The following SOX5 variants were observed in gnomAD, a reference collection of about 807,000 sequenced individuals.
SOX5 encodes the protein SRY-box transcription factor 5.
In SOX5, 9 loss-of-function variants were observed where a neutral mutation model predicts 92.0. The observed-to-expected ratio is 0.10, with a 90% CI of 0.06 to 0.17. The LOEUF is 0.17. Among genes scored for constraint, SOX5 ranks in the 10% least tolerant of loss-of-function variants. The probability of loss-of-function intolerance (pLI) is 1.00; values close to 1 mark genes in which losing one functional copy is unlikely to be tolerated. For missense variants in SOX5, 642 were observed against 944.5 expected, an observed-to-expected ratio of 0.68 and a Z score of 4.20; for synonymous variants, 344 against 336.3, an observed-to-expected ratio of 1.02 and a Z score of -0.25.
chr12:23,951,241 C>A (rs770477300), upstream of SOX5, among the ~76,000 whole-genome samples: 1 of 152,008 alleles, frequency 6.6e-6, no homozygotes, highest in Admixed American at 6.6e-5. Flanking sequence ...ATAGTCTGTA[C>A]AGCCAATGTC....
chr12:24,093,077 G>A (rs1411977338), intron 4 of SOX5, among the ~76,000 whole-genome samples: 1 of 152,072 alleles, frequency 6.6e-6, no homozygotes, highest in Non-Finnish European at 1.5e-5. Context: ...TAAATAAAAG[G>A]GGGGCTATTT....
At chr12:24,146,457 C>T (rs1311567766) in intron 4 of SOX5, among the ~76,000 whole-genome samples, 5 of 151,880 alleles carry the variant, frequency 3.3e-5, no homozygotes, top group Non-Finnish European at 7.4e-5. Flanking sequence ...TATAGCATGT[C>T]AATAGATGTG....
At chr12:24,356,295 C>T (rs905458923) in intron 2 of SOX5, among the ~76,000 whole-genome samples, 43 of 152,238 alleles carry the variant, frequency 2.8e-4, no homozygotes, top group African/African-American at 1.0e-3. Flanking sequence ...AGGTAGGGAA[C>T]CAGCACATCT....
intron 1 of SOX5, among the ~76,000 whole-genome samples, chr12:24,376,154 T>C (rs1305871942): frequency 6.6e-6 from 1 of 152,230 alleles, no homozygotes; most frequent in Non-Finnish European, 1.5e-5. Context: ...CTATGGCAAC[T>C]TGCCTAATTT....
chr12:23,699,570 T>C (rs1044031478), intron 6 of SOX5, among the ~76,000 whole-genome samples: 4 of 152,200 alleles, frequency 2.6e-5, no homozygotes, highest in Non-Finnish European at 5.9e-5. Flanking sequence ...ATATTTATTT[T>C]ATATTGTCTA....
chr12:24,201,704 C>G (rs1410805879), intron 4 of SOX5, among the ~76,000 whole-genome samples: 1 of 152,158 alleles, frequency 6.6e-6, no homozygotes, highest in Non-Finnish European at 1.5e-5. Context: ...TTAGTGAGTA[C>G]TACCCCCATC....
chr12:24,562,154 T>A (rs1013976139), intron 1 of SOX5, among the ~76,000 whole-genome samples: 5 of 152,016 alleles, frequency 3.3e-5, no homozygotes, highest in Non-Finnish European at 7.4e-5. Flanking sequence ...CCCCTCCCTC[T>A]GTACTTGAGG....
At chr12:24,128,182 T>C (rs1279144376) in intron 4 of SOX5, among the ~76,000 whole-genome samples, 2 of 152,206 alleles carry the variant, frequency 1.3e-5, no homozygotes, top group Non-Finnish European at 2.9e-5. Context: ...TTTGTATTAT[T>C]ATCATACACA....
At chr12:24,519,051 G>T (rs1334274846) in intron 1 of SOX5, among the ~76,000 whole-genome samples, 1 of 152,006 alleles carries the variant, frequency 6.6e-6, no homozygotes, top group Non-Finnish European at 1.5e-5. Context: ...TTTATTTTGG[G>T]TACGTGCCTA....
chr12:23,884,829 A>G (rs1486408959), intron 2 of SOX5, among the ~76,000 whole-genome samples: 1 of 152,190 alleles, frequency 6.6e-6, no homozygotes, highest in East Asian at 1.9e-4. Flanking sequence ...AAGATAATCA[A>G]TGTAGGGTGG....
At chr12:23,860,474 T>G (rs1198908765) in intron 2 of SOX5, among the ~76,000 whole-genome samples, 1 of 152,138 alleles carries the variant, frequency 6.6e-6, no homozygotes, top group Non-Finnish European at 1.5e-5. Flanking sequence ...AAAACAGATT[T>G]GTTAGCAAAC....
intron 1 of SOX5, among the ~76,000 whole-genome samples, chr12:24,471,572 CCTAGAAT>C (rs1207963216): frequency 2.0e-5 from 3 of 152,098 alleles, no homozygotes; most frequent in Non-Finnish European, 2.9e-5. Flanking sequence ...TAAATAAATA[CCTAGAAT>C]CTACTTGTGT....
intron 4 of SOX5, among the ~76,000 whole-genome samples, chr12:24,094,093 C>A (rs758005879): frequency 2.0e-5 from 3 of 151,980 alleles, no homozygotes; most frequent in Non-Finnish European, 4.4e-5. Context: ...ATTACAGGCG[C>A]CCGCCACCAT....
chr12:23,629,727 A>G (rs1441008066), intron 8 of SOX5, among the ~76,000 whole-genome samples: 2 of 151,932 alleles, frequency 1.3e-5, no homozygotes, highest in Non-Finnish European at 2.9e-5. Context: ...CCTTTCTTCA[A>G]ACTCTATTCC....
At chr12:24,156,964 A>G (rs929814247) in intron 4 of SOX5, among the ~76,000 whole-genome samples, 17 of 152,112 alleles carry the variant, frequency 1.1e-4, no homozygotes, top group African/African-American at 3.9e-4. Context: ...GTTATAGGAC[A>G]TATTCTGTTT....
intron 4 of SOX5, among the ~76,000 whole-genome samples, chr12:24,082,181 A>T (rs1943420636): frequency 6.6e-6 from 1 of 151,744 alleles, no homozygotes; most frequent in African/African-American, 2.4e-5. Flanking sequence ...GGAGCGTACA[A>T]CTCAGGACAA....
At chr12:23,869,116 A>G (rs977582196) in intron 2 of SOX5, among the ~76,000 whole-genome samples, 2 of 152,188 alleles carry the variant, frequency 1.3e-5, no homozygotes, top group African/African-American at 2.4e-5. Flanking sequence ...TAAAGATTAC[A>G]TGACATGATG....
rs1378394992 is a variant in SOX5, at chr12:24,494,397, C to G, written c.-251+67932G>C. ...CAAAAAGGACAGCAAATAATAATAC[C>G]TTTGAAAATTTCAAAGTGCTTCCCA... On this transcript the variant is annotated intron_variant, in intron 1 of 4. Coordinates refer to the SOX5 transcript ENST00000446891. Among the ~76,000 whole-genome samples, 3 of 152,288 alleles carry G rather than the reference C, an allele frequency of 2.0e-5. No individual in the cohort carries two copies. The East Asian group carries it at 5.8e-4, about 29-fold the overall frequency.
Position 24,524,836 on chromosome 12 carries a change from G to A in SOX5, c.-251+37493C>T, listed in dbSNP as rs76449152. On this transcript the variant is annotated intron_variant, in intron 1 of 4. Coordinates refer to the SOX5 transcript ENST00000446891. ...GTTTGGGACTCGCCTGGGTAACATA[G>A]TGAAATCCCATCTCTAAAAGAAAAA... Among the ~76,000 whole-genome samples the A allele has an allele frequency of 3.6e-3, 544 of 152,190 alleles. 5 individuals are homozygous for A. Among genetic ancestry groups the A allele is most frequent in the African/African-American group, 0.012 (489 of 41,488 alleles).
Sources: gnomAD v4.1 joint callset for allele counts (sites outside exome capture counted in the v4.1 genomes callset) on GRCh38, gnomAD v4.1.1 for gene constraint, MANE v1.5 for transcripts, NCBI Gene and HGNC (gene_info 2026-07-23, HGNC 2026-07-21) for gene names.